MORC4: variants seen among roughly 807,000 people sequenced by gnomAD.
MORC4 encodes MORC family CW-type zinc finger 4.
Under a neutral mutation model 65.5 loss-of-function variants are expected in MORC4, and 22 were observed. That is an observed-to-expected ratio of 0.34 (90% CI 0.24 to 0.48). MORC4 has a LOEUF of 0.48. MORC4 is among the 20% of genes least tolerant of loss of function. The pLI is 0.99. For synonymous variants in MORC4, 267 were observed against 255.8 expected, an observed-to-expected ratio of 1.04 and a Z score of -0.42; for missense variants, 624 against 703.0, an observed-to-expected ratio of 0.89 and a Z score of 1.27.
rs138331281 is a variant in MORC4, at chrX:106,985,390, A to G, written c.527-147T>C. The G allele has an allele frequency of 2.3e-3, 879 of 387,981 alleles. 17 individuals carry two copies. In the East Asian group the frequency reaches 0.036, roughly 16 times the overall value. The allele number at this position is 387,981 out of a possible 1,213,427, so 32.0% of individuals were successfully genotyped here. On this transcript the variant is annotated intron_variant, in intron 4 of 16. Transcript: ENST00000355610. ...TAGAAGGAGGAAAGGTGAAAAATGG[A>G]GAAAGGTTGTAGAGACAAGCTCCAA...
Position 106,999,999 on chromosome X carries a change from G to A in MORC4, c.-30C>T. On this transcript the variant is annotated 5_prime_UTR_variant, in exon 1 of 17. Coordinates refer to ENST00000355610, the MANE Select transcript of MORC4 (RefSeq NM_024657.5). ...TTGGCCGCCACGGTACCCGTCTGCT[G>A]CCGCCGGACCCCTGGCCCGGCGGTC... 1.4e-6 allele frequency: 1 copy of A among 712,316 alleles called. No individual in the cohort carries two copies. The highest frequency in any genetic ancestry group is 1.8e-6 in the Non-Finnish European group (1 of 566,194). The allele number at this position is 712,316 out of a possible 1,213,427, so 58.7% of individuals were successfully genotyped here.
intron 3 of MORC4, among the ~76,000 whole-genome samples, chrX:106,991,812 C>T (rs772675600): frequency 1.9e-4 from 21 of 110,878 alleles, no homozygotes; most frequent in Non-Finnish European, 2.6e-4. Flanking sequence ...GGCTGAGGTA[C>T]GAGAATCATT....
chrX:106,985,917 G>T, intron 4 of MORC4, 66 bp downstream of exon 4: 1 of 905,304 alleles, frequency 1.1e-6, no homozygotes. Context: ...CCTGAAGTTG[G>T]AATCTAATCA....
At chrX:106,997,329 CAT>C (rs1935099966) in intron 2 of MORC4, among the ~76,000 whole-genome samples, 1 of 111,741 alleles carries the variant, frequency 8.9e-6, no homozygotes, top group Non-Finnish European at 1.9e-5. Flanking sequence ...AACCTCCTGT[CAT>C]ATAAATCCGT....
chrX:106,941,444 A>C lies in MORC4; in HGVS notation c.*35T>G. The C allele has an allele frequency of 1.8e-6, 2 of 1,114,519 alleles. No individual in the cohort carries two copies. Among genetic ancestry groups the C allele is most frequent in the Non-Finnish European group, 2.4e-6 (2 of 823,850 alleles). The allele number at this position is 1,114,519 out of a possible 1,213,427, so 91.8% of individuals were successfully genotyped here. The stretch of plus-strand genomic sequence containing the variant: ...GAGGGAGAGAAAAGAGAACAGACAG[A>C]AGATAAGAGAAGAGAAGGGTATACA... On this transcript the variant is annotated 3_prime_UTR_variant, in exon 17 of 17. Transcript: ENST00000355610.
rs771819498 is a variant in MORC4, at chrX:106,981,060, T to C, written c.808-41A>G. On this transcript the variant is annotated intron_variant, in intron 6 of 16. Transcript: ENST00000355610. The stretch of plus-strand genomic sequence containing the variant: ...GTGAAGGGAAAGTTATTATGTGATA[T>C]TGCCAATTCTGCTGACATCCCCATA... The C allele has an allele frequency of 5.0e-6, 6 of 1,188,990 alleles. No homozygotes were observed. In the African/African-American group the frequency reaches 1.1e-4, roughly 21 times the overall value.
rs770854711 is a variant in MORC4, at chrX:106,942,842, T to G, written c.2049A>C (p.Lys683Asn). 8.3e-7 allele frequency: 1 copy of G among 1,211,973 alleles called. No homozygotes were observed. The highest frequency in any genetic ancestry group is 1.8e-5 in the South Asian group (1 of 56,979). Reference protein sequence around the residue: ...ESNRGSTTINKEEVNKGPFVA... With the variant: ...ESNRGSTTINNEEVNKGPFVA... ...CAAAAGGTCCCTTGTTGACTTCTTCTTTGTTTATGGTTGTGCTACCTCTGT... is the reference window on the plus strand; with the variant it reads ...CAAAAGGTCCCTTGTTGACTTCTTCGTTGTTTATGGTTGTGCTACCTCTGT... The change falls in exon 15 of 17, where the codon AAA (lysine) becomes AAC (asparagine). Residue 683 changes from lysine to asparagine, a missense_variant. Transcript: ENST00000355610.
At chrX:106,981,980 T>G (rs1934753877) in intron 5 of MORC4, among the ~76,000 whole-genome samples, 1 of 111,976 alleles carries the variant, frequency 8.9e-6, no homozygotes, top group Non-Finnish European at 1.9e-5. Context: ...ATTTAACTAG[T>G]CCTCTAGGAT....
rs1038587031 is a variant in MORC4, at chrX:106,958,311, A to G, written c.1385+25T>C. On this transcript the variant is annotated intron_variant, in intron 11 of 16. Coordinates refer to ENST00000355610, the MANE Select transcript of MORC4 (RefSeq NM_024657.5). Reference sequence around the variant, plus strand: ...AGATAAATCAGGAGTTACCTTGAGCATAAGATTGAGTCCTGGAACCTTACC... The same window carrying G: ...AGATAAATCAGGAGTTACCTTGAGCGTAAGATTGAGTCCTGGAACCTTACC... 5 of 1,182,591 alleles carry G rather than the reference A, an allele frequency of 4.2e-6. No homozygotes were observed. In the Admixed American group the frequency reaches 1.1e-4, roughly 27 times the overall value.
chrX:106,958,670 A>G (rs1934165768), intron 10 of MORC4, among the ~76,000 whole-genome samples: 1 of 112,237 alleles, frequency 8.9e-6, no homozygotes, highest in African/African-American at 3.2e-5. Flanking sequence ...TATGAAAAAT[A>G]GTAACAAGTA....
intron 5 of MORC4, among the ~76,000 whole-genome samples, chrX:106,983,428 G>A (rs2147822066): frequency 8.9e-6 from 1 of 111,732 alleles, no homozygotes; most frequent in Non-Finnish European, 1.9e-5. Context: ...CCAGGTAAAT[G>A]AGACAAAATA....
chrX:106,985,875 C>A, intron 4 of MORC4, 108 bp downstream of exon 4: 3 of 598,938 alleles, frequency 5.0e-6, no homozygotes, highest in East Asian at 3.4e-5. Context: ...CATTTGAATA[C>A]CTCTTTTAAA....
At chrX:106,981,106 A>G in intron 6 of MORC4, 87 bp from the exon 7 acceptor site, 1 of 1,093,238 alleles carries the variant, frequency 9.1e-7, no homozygotes, top group Admixed American at 2.3e-5. Context: ...ACCAACTGAT[A>G]TCTATGCTGG....
chrX:106,945,913 GTTTTGTATTATT>G (rs1315208422), intron 14 of MORC4, among the ~76,000 whole-genome samples: 60 of 111,567 alleles, frequency 5.4e-4, no homozygotes, highest in African/African-American at 1.9e-3. Context: ...ACCACTATCA[GTTTTGTATTATT>G]TCACTAACCA....
rs765467196 is a variant in MORC4, at chrX:106,980,963, C to T, written c.864G>A (p.Lys288=). The T allele has an allele frequency of 2.8e-5, 34 of 1,207,301 alleles. No individual in the cohort carries two copies. Among genetic ancestry groups the T allele is most frequent in the Non-Finnish European group, 3.8e-5 (34 of 893,015 alleles). ...TGGCAATCATCTGGGTAGTCACCTT[C>T]TTTTGACGCAGAAAAATTTTCATGC... ...KPRMKIFLRQ[K]KVTTQMIAKS... is the part of the protein sequence containing the mutation. Residue 288 remains lysine (K), a synonymous_variant, in exon 7 of 17, where the codon AAG becomes AAA. Coordinates refer to ENST00000355610, the MANE Select transcript of MORC4 (RefSeq NM_024657.5).
chrX:106,951,440 A>G (rs1220679077), intron 14 of MORC4, among the ~76,000 whole-genome samples: 1 of 110,963 alleles, frequency 9.0e-6, no homozygotes, highest in Non-Finnish European at 1.9e-5. Flanking sequence ...CAGTTGCGCA[A>G]TCACAGCTGG....
chrX:106,942,825 C>G lies in MORC4; in HGVS notation c.2066G>C (p.Gly689Ala). ...TTINKEEVNKGPFVAVVGVAK... is the reference protein window; with the variant it reads ...TTINKEEVNKAPFVAVVGVAK... ...AACACCCACAACAGCTACAAAAGGT[C>G]CCTTGTTGACTTCTTCTTTGTTTAT... Residue 689 changes from glycine (G) to alanine (A), a missense_variant, in exon 15 of 17, where the codon GGA (glycine) becomes GCA (alanine). Physicochemically the swap from Gly to Ala is moderately conservative, Grantham distance 60. Coordinates refer to ENST00000355610, the MANE Select transcript of MORC4 (RefSeq NM_024657.5). 1 of 1,211,531 alleles carries G rather than the reference C, an allele frequency of 8.3e-7. No homozygotes were observed. Among genetic ancestry groups the G allele is most frequent in the Non-Finnish European group, 1.1e-6 (1 of 895,374 alleles).
intron 9 of MORC4, among the ~76,000 whole-genome samples, chrX:106,971,892 T>C (rs1372280962): frequency 1.8e-5 from 2 of 112,032 alleles, no homozygotes; most frequent in Admixed American, 9.4e-5. Flanking sequence ...AGTTCAACCA[T>C]TGTGGAAGAC....
intron 3 of MORC4, among the ~76,000 whole-genome samples, chrX:106,987,239 T>C (rs1934889840): frequency 9.0e-6 from 1 of 111,492 alleles, no homozygotes; most frequent in South Asian, 3.8e-4. Context: ...GTTACCAACA[T>C]ATAAATTATC....
Sources: gnomAD v4.1 joint callset for allele counts (sites outside exome capture counted in the v4.1 genomes callset) on GRCh38, gnomAD v4.1.1 for gene constraint, MANE v1.5 for transcripts, NCBI Gene and HGNC (gene_info 2026-07-23, HGNC 2026-07-21) for gene names.